DIP2B: variants seen among roughly 807,000 people sequenced by gnomAD.
DIP2B encodes disco-interacting protein 2 homolog B.
Under a neutral mutation model 198.0 loss-of-function variants are expected in DIP2B, and 76 were observed. The observed-to-expected ratio is 0.38, with a 90% CI of 0.32 to 0.46. DIP2B has a LOEUF of 0.46. DIP2B is among the 20% of genes least tolerant of loss of function. DIP2B has a pLI of 0.99. For missense variants in DIP2B, 1,559 were observed against 1,978.4 expected (o/e 0.79, Z 4.02); for synonymous variants, 701 against 739.1 (o/e 0.95, Z 0.84).
chr12:50,661,616 T>G (rs992455363), intron 4 of DIP2B, among the ~76,000 whole-genome samples: 2 of 152,218 alleles, frequency 1.3e-5, no homozygotes, highest in Non-Finnish European at 2.9e-5. Flanking sequence ...TCTATAATGG[T>G]GCATACCTCA....
intron 3 of DIP2B, among the ~76,000 whole-genome samples, chr12:50,653,485 C>G: frequency 6.6e-6 from 1 of 151,486 alleles, no homozygotes; most frequent in Non-Finnish European, 1.5e-5. Flanking sequence ...ACTACATGAG[C>G]AGACACACCC....
At chr12:50,739,297 G>C in intron 35 of DIP2B, 112 bp from the exon 36 acceptor site, 1 of 1,204,272 alleles carries the variant, frequency 8.3e-7, no homozygotes, top group Non-Finnish European at 1.2e-6. Context: ...TGATGCAGTT[G>C]TGTTGTTGTT....
chr12:50,698,233 G>T, intron 17 of DIP2B, 95 bp from the exon 18 acceptor site: 1 of 1,429,478 alleles, frequency 7.0e-7, no homozygotes, highest in Non-Finnish European at 9.4e-7. Context: ...GAATTTTTTT[G>T]GTATTGTAGC....
intron 25 of DIP2B, 133 bp downstream of exon 25, chr12:50,719,168 T>G: frequency 1.1e-6 from 1 of 929,142 alleles, no homozygotes; most frequent in Non-Finnish European, 1.6e-6. Flanking sequence ...TTCTCCTTGC[T>G]TTGGCATATG....
chr12:50,632,911 C>T (rs1938087331), intron 2 of DIP2B, among the ~76,000 whole-genome samples: 2 of 151,770 alleles, frequency 1.3e-5, no homozygotes, highest in Non-Finnish European at 2.9e-5. Flanking sequence ...GCACATGCTC[C>T]TTACCTAAAA....
intron 1 of DIP2B, among the ~76,000 whole-genome samples, chr12:50,529,123 T>C (rs1958193127): frequency 6.6e-6 from 1 of 152,168 alleles, no homozygotes; most frequent in Non-Finnish European, 1.5e-5. Context: ...GATAGGATAC[T>C]GTAAACAACT....
chr12:50,708,691 C>A, intron 22 of DIP2B, 129 bp downstream of exon 22: 1 of 692,738 alleles, frequency 1.4e-6, no homozygotes, highest in Non-Finnish European at 2.5e-6. Flanking sequence ...ACTCTGGGTA[C>A]TACTAGCAAA....
chr12:50,552,890 C>T (rs1018574795), intron 1 of DIP2B, among the ~76,000 whole-genome samples: 1 of 151,984 alleles, frequency 6.6e-6, no homozygotes, highest in African/African-American at 2.4e-5. Flanking sequence ...CCAGAGTCTT[C>T]AGTGGTGCAA....
chr12:50,651,738 A>T (rs377064240), intron 3 of DIP2B, among the ~76,000 whole-genome samples: 1 of 151,820 alleles, frequency 6.6e-6, no homozygotes, highest in African/African-American at 2.4e-5. Flanking sequence ...CTTTGTAATC[A>T]TTTTTTTTAA....
chr12:50,691,218 T>A lies in DIP2B; in HGVS notation c.1654+67T>A, dbSNP rs953186174. On this transcript the variant is annotated intron_variant, in intron 13 of 37. Transcript: ENST00000301180. Reference sequence around the variant, plus strand: ...AGATGTGTGACTGTGAGCACAATGCTCAGTGATTGGACCTCATTTAATGAC... The same window carrying A: ...AGATGTGTGACTGTGAGCACAATGCACAGTGATTGGACCTCATTTAATGAC... The A allele has an allele frequency of 3.6e-5, 50 of 1,380,406 alleles. No individual in the cohort carries two copies. In the African/African-American group the frequency reaches 6.9e-4, roughly 19 times the overall value. 85.5% of individuals were successfully genotyped at this position (1,380,406 alleles called of 1,614,324 possible).
intron 1 of DIP2B, among the ~76,000 whole-genome samples, chr12:50,513,000 C>T (rs1042080502): frequency 7.2e-5 from 11 of 152,242 alleles, no homozygotes; most frequent in Middle Eastern, 3.4e-3. Context: ...GAGCGAGACA[C>T]CATCTCAACA....
chr12:50,690,968 G>T, intron 12 of DIP2B, 81 bp from the exon 13 acceptor site: 1 of 1,232,184 alleles, frequency 8.1e-7, no homozygotes. Context: ...GTTTTTCTGG[G>T]TTTTGTTTTT....
At chr12:50,546,334 T>C (rs930381633) in intron 1 of DIP2B, among the ~76,000 whole-genome samples, 1 of 152,244 alleles carries the variant, frequency 6.6e-6, no homozygotes, top group African/African-American at 2.4e-5. Context: ...AAAAATTCTT[T>C]TTTAAAAAAA....
In DIP2B at chr12:50,505,041, C is replaced by T. The variant is rs917230337; in HGVS notation, c.-100C>T. The T allele has an allele frequency of 1.3e-5, 13 of 1,022,854 alleles. No individual in the cohort carries two copies. In the African/African-American group the frequency reaches 2.1e-4, roughly 16 times the overall value. The allele number at this position is 1,022,854 out of a possible 1,614,324, so 63.4% of individuals were successfully genotyped here. Reference sequence around the variant, plus strand: ...CGGCGGCGGTGCTGGTGGTGCTCGGCGGCCGGAGCCGGATCCTGTAGCCGG... The same window carrying T: ...CGGCGGCGGTGCTGGTGGTGCTCGGTGGCCGGAGCCGGATCCTGTAGCCGG... On this transcript the variant is annotated 5_prime_UTR_variant, in exon 1 of 38. Transcript: ENST00000301180.
At chr12:50,603,459 G>A (rs1384588112) in intron 1 of DIP2B, among the ~76,000 whole-genome samples, 1 of 152,020 alleles carries the variant, frequency 6.6e-6, no homozygotes, top group Admixed American at 6.6e-5. Context: ...AAACATCTTG[G>A]CCAGTACGGT....
chr12:50,745,915 C>T lies in DIP2B; in HGVS notation c.*1076C>T, dbSNP rs2139614731. The T allele has an allele frequency of 6.6e-6, 1 of 152,324 alleles. No homozygotes were observed. Among genetic ancestry groups the T allele is most frequent in the Non-Finnish European group, 1.5e-5 (1 of 68,048 alleles). 9.4% of individuals were successfully genotyped at this position (152,324 alleles called of 1,614,324 possible). A position where few individuals can be genotyped will look rare whatever the true frequency, so the allele number is the denominator to read the frequency against. On this transcript the variant is annotated 3_prime_UTR_variant, in exon 38 of 38. Transcript: ENST00000301180. ...TCTTCTGAAAACTGAGGAGTGTCCTCTGTTCTTCCAGTTCACGAGGGCAGG... is the reference window on the plus strand; with the variant it reads ...TCTTCTGAAAACTGAGGAGTGTCCTTTGTTCTTCCAGTTCACGAGGGCAGG...
intron 1 of DIP2B, among the ~76,000 whole-genome samples, chr12:50,548,619 G>T (rs1377311598): frequency 6.6e-6 from 1 of 152,084 alleles, no homozygotes; most frequent in East Asian, 1.9e-4. Context: ...TCTGCCTCCC[G>T]GGTTCAAGGG....
intron 1 of DIP2B, among the ~76,000 whole-genome samples, chr12:50,539,490 C>T (rs903467691): frequency 2.6e-5 from 4 of 151,554 alleles, no homozygotes; most frequent in African/African-American, 7.3e-5. Context: ...TAGTGGCAGG[C>T]GCCTGTAATC....
intron 1 of DIP2B, among the ~76,000 whole-genome samples, chr12:50,601,629 C>T (rs921276694): frequency 4.6e-5 from 7 of 152,046 alleles, no homozygotes; most frequent in South Asian, 2.1e-4. Flanking sequence ...TGAGCCACCG[C>T]GCCCGGCAGC....
Sources: gnomAD v4.1 joint callset for allele counts (sites outside exome capture counted in the v4.1 genomes callset) on GRCh38, gnomAD v4.1.1 for gene constraint, MANE v1.5 for transcripts, NCBI Gene and HGNC (gene_info 2026-07-23, HGNC 2026-07-21) for gene names.